The following GRAMD4 variants were observed in gnomAD, a reference collection of about 807,000 sequenced individuals.
GRAMD4 encodes the protein GRAM domain containing 4.
A neutral mutation model predicts 83.9 loss-of-function variants in GRAMD4; 25 were observed. That is an observed-to-expected ratio of 0.30 (90% CI 0.22 to 0.42). The LOEUF is 0.42. Ranked by LOEUF, GRAMD4 falls within the 10% of genes least tolerant of loss-of-function variation. The pLI, the probability that GRAMD4 is intolerant of heterozygous loss-of-function variation, is 1.00. For missense variants in GRAMD4, 593 were observed against 788.7 expected (o/e 0.75, Z 2.97); for synonymous variants, 336 against 320.9 (o/e 1.05, Z -0.50).
At chr22:46,600,524 G>A (rs1020005414) in intron 1 of GRAMD4, among the ~76,000 whole-genome samples, 6 of 152,300 alleles carry the variant, frequency 3.9e-5, no homozygotes, top group Non-Finnish European at 8.8e-5. Flanking sequence ...GTAATTCCCC[G>A]TGGAGAGCAG....
chr22:46,667,477 C>G (rs181262315), intron 10 of GRAMD4, among the ~76,000 whole-genome samples: 1 of 152,228 alleles, frequency 6.6e-6, no homozygotes, highest in Non-Finnish European at 1.5e-5. Flanking sequence ...CTTGAGTAGA[C>G]GACAGACCAC....
chr22:46,580,754 C>T (rs1455238912), intron 1 of GRAMD4, among the ~76,000 whole-genome samples: 1 of 152,086 alleles, frequency 6.6e-6, no homozygotes, highest in Admixed American at 6.5e-5. Context: ...CACCTGAGGT[C>T]GGGAATTCAA....
intron 3 of GRAMD4, among the ~76,000 whole-genome samples, chr22:46,645,680 A>C (rs1430712439): frequency 6.6e-6 from 1 of 152,240 alleles, no homozygotes; most frequent in Non-Finnish European, 1.5e-5. Context: ...TGAAGAGTAC[A>C]AATGTTCCTG....
chr22:46,607,562 G>A (rs901205360), intron 1 of GRAMD4, among the ~76,000 whole-genome samples: 2 of 152,066 alleles, frequency 1.3e-5, no homozygotes, highest in African/African-American at 4.8e-5. Context: ...GGATTCGCCC[G>A]ATGCTCCCTG....
chr22:46,628,077 G>A lies in GRAMD4; in HGVS notation c.162+1116G>A, dbSNP rs2081698118. On this transcript the variant is annotated intron_variant, in intron 2 of 18. Transcript: ENST00000406902. ...GGCTGGGGCTGGCACAGAGGGCATG[G>A]GTCACGATTCTCCGATGGTGGTCTG... 2.6e-5 allele frequency among the ~76,000 whole-genome samples: 4 copies of A among 152,342 alleles called. No homozygotes were observed. In the East Asian group the frequency reaches 7.7e-4, roughly 29 times the overall value.
Position 46,635,778 on chromosome 22 carries a change from G to C in GRAMD4, c.163-2062G>C, listed in dbSNP as rs34778969. 6.1e-3 allele frequency among the ~76,000 whole-genome samples: 374 copies of C among 61,646 alleles called. 22 individuals are homozygous for C. In the East Asian group the frequency reaches 0.061, roughly 10 times the overall value. 40.4% of individuals were successfully genotyped at this position (61,646 alleles called of 152,430 possible). ...CCCCTGGCCACTCCTGTCCTAGGTGGCCGTGTCCTCCCTGCCCCCCACCCC... is the reference window on the plus strand; with the variant it reads ...CCCCTGGCCACTCCTGTCCTAGGTGCCCGTGTCCTCCCTGCCCCCCACCCC... On this transcript the variant is annotated intron_variant, in intron 2 of 18. Coordinates refer to ENST00000406902, the MANE Select transcript of GRAMD4 (RefSeq NM_015124.5).
At position 46,673,771 on chromosome 22, in the gene GRAMD4, C is replaced by G; in HGVS notation, c.1341C>G (p.Phe447Leu). The change falls in exon 15 of 19, where the codon TTC becomes TTG. Residue 447 changes from phenylalanine to leucine, a missense_variant. By Grantham distance (22) the Phe-to-Leu change is conservative. This residue lies in a region of GRAMD4 where 171 missense variants were observed against 199.6 expected (regional missense o/e 0.86). Transcript: ENST00000406902. ...GRFHSTKKGN[F>L]HEIFNLTENE... ...TCCACAGCACCAAGAAGGGCAATTTCCACGAGATCTTCAATCTGACAGAAA... is the reference window on the plus strand; with the variant it reads ...TCCACAGCACCAAGAAGGGCAATTTGCACGAGATCTTCAATCTGACAGAAA... 6.2e-7 allele frequency: 1 copy of G among 1,613,140 alleles called. No homozygotes were observed. The highest frequency in any genetic ancestry group is 1.3e-5 in the African/African-American group (1 of 75,074).
rs573017368 is a variant in GRAMD4 at position 46,599,446 on chromosome 22, G to T, written c.-50+22156G>T. On this transcript the variant is annotated intron_variant, in intron 1 of 1. Transcript: ENST00000431155. ...TGATTCTCCTGCCTCAGCCTCGCAA[G>T]TAGCTGGGATTACAGGCTCCTGCCA... 2.6e-5 allele frequency among the ~76,000 whole-genome samples: 4 copies of T among 152,136 alleles called. No individual in the cohort carries two copies. In the South Asian group the frequency reaches 8.3e-4, roughly 32 times the overall value.
intron 1 of GRAMD4, among the ~76,000 whole-genome samples, chr22:46,582,620 G>A (rs1030213882): frequency 3.9e-5 from 6 of 152,202 alleles, no homozygotes; most frequent in African/African-American, 1.2e-4. Context: ...ACCCTGGCTC[G>A]GGTCTGAGCT....
intron 1 of GRAMD4, among the ~76,000 whole-genome samples, chr22:46,586,689 G>T (rs758559039): frequency 6.6e-6 from 1 of 152,204 alleles, no homozygotes; most frequent in Non-Finnish European, 1.5e-5. Flanking sequence ...TTCTCAGGGC[G>T]ACTGGCTGCT....
At chr22:46,618,322 G>A (rs116803189), upstream of GRAMD4, among the ~76,000 whole-genome samples, 246 of 152,244 alleles carry the variant, frequency 1.6e-3, no homozygotes, top group African/African-American at 5.6e-3. The surrounding 1 kb of genome is among the most constrained non-coding windows in gnomAD (Gnocchi z 5.8). Flanking sequence ...AGGCACAAGC[G>A]CTAAACAAGG....
chr22:46,637,014 C>T (rs963072359), intron 2 of GRAMD4, among the ~76,000 whole-genome samples: 5 of 152,190 alleles, frequency 3.3e-5, no homozygotes, highest in Non-Finnish European at 7.4e-5. Context: ...ACGACAAGGC[C>T]GCTGTTCGGA....
At chr22:46,589,082 CAG>C (rs985028865) in intron 1 of GRAMD4, among the ~76,000 whole-genome samples, 56 of 152,134 alleles carry the variant, frequency 3.7e-4, no homozygotes, top group African/African-American at 1.3e-3. Flanking sequence ...GCAGGGACGG[CAG>C]GGGGCGGGGG....
intron 1 of GRAMD4, among the ~76,000 whole-genome samples, chr22:46,600,861 T>C (rs2081305930): frequency 6.6e-6 from 1 of 152,160 alleles, no homozygotes; most frequent in Non-Finnish European, 1.5e-5. Context: ...AATCACTACT[T>C]GGGGCCAGGT....
intron 6 of GRAMD4, 42 bp downstream of exon 6, chr22:46,663,214 C>A: frequency 6.3e-7 from 1 of 1,586,876 alleles, no homozygotes; most frequent in Middle Eastern, 1.9e-4. Flanking sequence ...CGTTAGGGGC[C>A]CCGGTCCCTG....
chr22:46,682,222 C>T (rs2082674360), downstream of GRAMD4, among the ~76,000 whole-genome samples: 1 of 152,224 alleles, frequency 6.6e-6, no homozygotes, highest in Non-Finnish European at 1.5e-5. Flanking sequence ...CAGTGATGGG[C>T]AGCTGACCAC....
chr22:46,601,265 C>T (rs1345274744), intron 1 of GRAMD4, among the ~76,000 whole-genome samples: 6 of 152,042 alleles, frequency 3.9e-5, no homozygotes, highest in Admixed American at 1.3e-4. Flanking sequence ...CGTCGGCCGC[C>T]GGGTCACACC....
chr22:46,613,768 C>G (rs2081441248), intron 1 of GRAMD4, among the ~76,000 whole-genome samples: 1 of 152,218 alleles, frequency 6.6e-6, no homozygotes, highest in Non-Finnish European at 1.5e-5. Flanking sequence ...CCATACACAC[C>G]CCCTCCTGCC....
intron 1 of GRAMD4, among the ~76,000 whole-genome samples, chr22:46,590,569 T>C (rs2081196935): frequency 6.6e-6 from 1 of 152,076 alleles, no homozygotes; most frequent in South Asian, 2.1e-4. Flanking sequence ...ACTGGCCTGG[T>C]TTGGTGGCCT....
Sources: allele counts gnomAD v4.1 joint callset (sites outside exome capture counted in the v4.1 genomes callset), GRCh38; gene constraint gnomAD v4.1.1; regional missense constraint gnomAD v4.1.1; non-coding constraint Gnocchi (gnomAD v3.1); transcripts MANE v1.5; gene names NCBI Gene and HGNC (gene_info 2026-07-23, HGNC 2026-07-21).